EXOC3L1: variants seen among roughly 807,000 people sequenced by gnomAD.
EXOC3L1 encodes the protein exocyst complex component 3 like 1.
EXOC3L1 carries 79 observed loss-of-function variants against 83.6 expected under a neutral mutation model. That is an observed-to-expected ratio of 0.95 (90% CI 0.79 to 1.14). EXOC3L1 has a LOEUF of 1.14. Ranked by LOEUF, EXOC3L1 falls within the 50% of genes most tolerant of loss-of-function variation. The pLI is 0.00. For missense variants in EXOC3L1, 945 were observed against 972.0 expected, an observed-to-expected ratio of 0.97 and a Z score of 0.37; for synonymous variants, 433 against 451.2, an observed-to-expected ratio of 0.96 and a Z score of 0.51.
rs1204841715 is a variant in EXOC3L1 at position 67,184,598 on chromosome 16, G to A, written c.2037C>T (p.Asp679=). The A allele has an allele frequency of 5.1e-6, 8 of 1,583,200 alleles. No homozygotes were observed. Among genetic ancestry groups the A allele is most frequent in the South Asian group, 1.1e-5 (1 of 89,004 alleles). Residue 679 remains aspartate, a synonymous_variant, in exon 14 of 14, where the codon GAC becomes GAT. Transcript: ENST00000314586. ...LRQQFPDVSE[D]HVSALLGLRG... is the part of the protein sequence containing the mutation. ...GCAGGCCCAAGAGGGCGGAGACGTG[G>A]TCCTCGCTGCAGGGGCACCAAGGAG...
At chr16:67,184,649 C>T (rs753411216) in intron 13 of EXOC3L1, 37 bp downstream of exon 13, 9 of 1,580,318 alleles carry the variant, frequency 5.7e-6, no homozygotes, top group East Asian at 2.3e-5. Context: ...CCTCCCCGCC[C>T]TCCGGCTTCT....
Position 67,184,969 on chromosome 16 carries a change from T to C in EXOC3L1, c.1838A>G (p.Glu613Gly). Reference sequence around the variant, plus strand: ...CAGGCGCTCGGCCGCCTGGGTCCTCTCGTCGGCTCCGCGGCACACCAGGCG... The same window carrying C: ...CAGGCGCTCGGCCGCCTGGGTCCTCCCGTCGGCTCCGCGGCACACCAGGCG... ...QGRLVCRGAD[E>G]RTQAAERLRH... Residue 613 changes from glutamate to glycine, a missense_variant, in exon 12 of 14, where the codon GAG (glutamate) becomes GGG (glycine). Glu to Gly is a moderately conservative substitution (Grantham distance 98). Transcript: ENST00000314586. The C allele has an allele frequency of 6.2e-7, 1 of 1,610,310 alleles. No individual in the cohort carries two copies.
Position 67,186,274 on chromosome 16 carries a change from AG to A in EXOC3L1, c.1458del (p.Tyr487ThrfsTer112), listed in dbSNP as rs1341308799. ...RGKSMAPHYV[P>X]YLLAALNHKS... is the part of the protein sequence containing the mutation. Reference sequence around the variant, plus strand: ...TTGTGGTTGAGGGCGGCCAGTAGGTAGGGCACGTAATGAGGGGCCATTGATT... The same window carrying A: ...TTGTGGTTGAGGGCGGCCAGTAGGTAGGCACGTAATGAGGGGCCATTGATT... On this transcript the variant is annotated frameshift_variant, in exon 9 of 14. Transcript: ENST00000314586. LOFTEE classifies it high-confidence loss of function. 2 of 1,578,808 alleles carry A rather than the reference AG, an allele frequency of 1.3e-6. No homozygotes were observed. Among genetic ancestry groups the A allele is most frequent in the Admixed American group, 1.8e-5 (1 of 55,118 alleles).
In EXOC3L1 at chr16:67,187,433, C is replaced by A. The variant is rs749191956; in HGVS notation, c.832G>T (p.Ala278Ser). Residue 278 changes from alanine (A) to serine (S), a missense_variant, in exon 5 of 14, where the codon GCT becomes TCT. Ala to Ser is a moderately conservative substitution (Grantham distance 99, BLOSUM62 1). Transcript: ENST00000314586. The part of the protein sequence containing the change: ...APGALPGWLE[A>S]LRVALPVELA... ...TCGACTGGCAGGGCCACTCGCAGAG[C>A]CTCCAGCCACCCTGGTAGGGCCCCT... is the stretch of plus-strand genomic sequence containing the variant. 4.5e-5 allele frequency: 73 copies of A among 1,610,476 alleles called. No individual in the cohort carries two copies. The highest frequency in any genetic ancestry group is 6.1e-5 in the Non-Finnish European group (72 of 1,179,788).
At chr16:67,189,758 C>CT in intron 1 of EXOC3L1, 75 bp from the exon 2 acceptor site, 1 of 1,442,722 alleles carries the variant, frequency 6.9e-7, no homozygotes, top group Non-Finnish European at 9.6e-7. Flanking sequence ...CTGCCTCTGT[C>CT]TAAGCCCTTC....
chr16:67,186,267 A>C lies in EXOC3L1; in HGVS notation c.1466T>G (p.Leu489Arg), dbSNP rs775094173. ...SMAPHYVPYL[L>R]AALNHKSALS... ...TGCTGACTTGTGGTTGAGGGCGGCC[A>C]GTAGGTAGGGCACGTAATGAGGGGC... Residue 489 changes from leucine (L) to arginine (R), a missense_variant, in exon 9 of 14, where the codon CTG (leucine) becomes CGG (arginine). Leu to Arg is a moderately radical substitution (Grantham distance 102, BLOSUM62 -2). Coordinates refer to ENST00000314586, the MANE Select transcript of EXOC3L1 (RefSeq NM_178516.4). The C allele has an allele frequency of 1.9e-6, 3 of 1,578,164 alleles. No individual in the cohort carries two copies. The South Asian group carries it at 3.5e-5, about 18-fold the overall frequency.
chr16:67,184,483 GGACGCGGCGGCTCGCGCGGGGC>G lies in EXOC3L1; in HGVS notation c.2130_2151del (p.Pro711SerfsTer4). On this transcript the variant is annotated frameshift_variant, in exon 14 of 14. Coordinates refer to ENST00000314586, the MANE Select transcript of EXOC3L1 (RefSeq NM_178516.4). LOFTEE classifies it low-confidence loss of function (END_TRUNC). ...GCGGGCGCGGGCACTAGGCTGAAGA[GGACGCGGCGGCTCGCGCGGGGC>G]GACGGCGGCAGCGCAGCCTGCAGGG... is the stretch of plus-strand genomic sequence containing the variant. 2 of 1,523,282 alleles carry G rather than the reference GGACGCGGCGGCTCGCGCGGGGC, an allele frequency of 1.3e-6. No individual in the cohort carries two copies. Among genetic ancestry groups the G allele is most frequent in the Non-Finnish European group, 1.8e-6 (2 of 1,142,398 alleles). 94.4% of individuals were successfully genotyped at this position (1,523,282 alleles called of 1,614,324 possible).
Position 67,188,836 on chromosome 16 carries a change from A to G in EXOC3L1, c.312T>C (p.Arg104=), listed in dbSNP as rs772921723. 1.2e-6 allele frequency: 2 copies of G among 1,613,260 alleles called. No homozygotes were observed. The highest frequency in any genetic ancestry group is 3.3e-5 in the Admixed American group (2 of 60,030). ...QGTREALSQA[R]GLLQGMSQAL... is the part of the protein sequence containing the mutation. ...CCTGGGACATGCCCTGGAGCAACCC[A>G]CGGGCCTGGCTCAGGGCCTCCCGGG... The change falls in exon 4 of 14, where the codon CGT becomes CGC. Residue 104 remains arginine, a synonymous_variant. Coordinates refer to ENST00000314586, the MANE Select transcript of EXOC3L1 (RefSeq NM_178516.4).
Position 67,188,927 on chromosome 16 carries a change from G to T in EXOC3L1, c.221C>A (p.Ser74Ter), listed in dbSNP as rs2032805813. Residue 74 changes from serine to a stop codon, truncating the protein, a stop_gained, in exon 4 of 14, where the codon TCA (serine) becomes TAA (stop). Transcript: ENST00000314586. LOFTEE classifies it high-confidence loss of function. ...ACCAGTCTGCACGCCTTCCAGGTAT[G>T]ACTGCATCACTGACTGTGGAAAGAT... The part of the protein sequence containing the change: ...LESRLKSVMQ[S>*]YLEGVQTGVW... The T allele has an allele frequency of 4.3e-6, 7 of 1,612,962 alleles. No individual in the cohort carries two copies. The highest frequency in any genetic ancestry group is 5.9e-6 in the Non-Finnish European group (7 of 1,179,916).
Position 67,188,885 on chromosome 16 carries a change from T to A in EXOC3L1, c.263A>T (p.Gln88Leu). The A allele has an allele frequency of 6.2e-7, 1 of 1,613,150 alleles. No individual in the cohort carries two copies. Among genetic ancestry groups the A allele is most frequent in the Non-Finnish European group, 8.5e-7 (1 of 1,180,004 alleles). Residue 88 changes from glutamine (Q) to leucine (L), a missense_variant, in exon 4 of 14, where the codon CAG (glutamine) becomes CTG (leucine). Gln to Leu is a moderately radical substitution (Grantham distance 113, BLOSUM62 -2). Coordinates refer to ENST00000314586, the MANE Select transcript of EXOC3L1 (RefSeq NM_178516.4). ...GVQTGVWQLA[Q>L]AIEVVQGTRE... Reference sequence around the variant, plus strand: ...GGTTCCCTGCACCACCTCAATGGCCTGGGCCAGCTGCCACACACCAGTCTG... The same window carrying A: ...GGTTCCCTGCACCACCTCAATGGCCAGGGCCAGCTGCCACACACCAGTCTG...
At chr16:67,185,098 C>T in intron 11 of EXOC3L1, 38 bp downstream of exon 11, 1 of 1,612,602 alleles carries the variant, frequency 6.2e-7, no homozygotes, top group Non-Finnish European at 8.5e-7. Context: ...CGCCTCTCAC[C>T]CGCGCCGCCC....
In EXOC3L1 at chr16:67,184,472, T is replaced by C; in HGVS notation, c.2163A>G (p.Leu721=). 1 of 1,526,598 alleles carries C rather than the reference T, an allele frequency of 6.6e-7. No homozygotes were observed. The highest frequency in any genetic ancestry group is 8.7e-7 in the Non-Finnish European group (1 of 1,143,220). 94.6% of individuals were successfully genotyped at this position (1,526,598 alleles called of 1,614,324 possible). The change falls in exon 14 of 14, where the codon CTA becomes CTG. Residue 721 remains leucine (L), a synonymous_variant. Coordinates refer to ENST00000314586, the MANE Select transcript of EXOC3L1 (RefSeq NM_178516.4). ...PRASRRVLFS[L]VPAPALAPAS... ...CCGGCGCGAGCGCGGGCGCGGGCAC[T>C]AGGCTGAAGAGGACGCGGCGGCTCG...
Position 67,187,355 on chromosome 16 carries a change from C to T in EXOC3L1, c.910G>A (p.Val304Met), listed in dbSNP as rs1331740484. 1.9e-5 allele frequency: 30 copies of T among 1,612,786 alleles called. No individual in the cohort carries two copies. The highest frequency in any genetic ancestry group is 3.3e-5 in the Admixed American group (2 of 60,002). ...VAPCCPPQYN[V>M]VQLWAHTLHS... ...AGCGTGTGGGCCCATAGCTGGACCA[C>T]GTTGTACTGTGGCGGGCAGCAAGGC... The change falls in exon 5 of 14, where the codon GTG becomes ATG. Residue 304 changes from valine to methionine, a missense_variant. Transcript: ENST00000314586.
At chr16:67,188,212 C>CCAGCCTGGGTGA (rs780407864) in intron 4 of EXOC3L1, among the ~76,000 whole-genome samples, 123 of 152,304 alleles carry the variant, frequency 8.1e-4, no homozygotes, top group Non-Finnish European at 1.4e-3. Context: ...CCACTGCACT[C>CCAGCCTGGGTGA]CAGCCTGGGT....
rs1218383044 is a variant in EXOC3L1 at position 67,187,670 on chromosome 16, C to A, written c.595G>T (p.Gly199Cys). Residue 199 changes from glycine (G) to cysteine (C), a missense_variant, in exon 5 of 14, where the codon GGC becomes TGC. Coordinates refer to ENST00000314586, the MANE Select transcript of EXOC3L1 (RefSeq NM_178516.4). ...QGLDLLFEAL[G>C]QAVEAAAGAA... is the part of the protein sequence containing the mutation. ...CCTGCAGCTGCTTCCACAGCCTGGC[C>A]CAGTGCCTCGAACAGAAGGTCCAGC... 6.2e-7 allele frequency: 1 copy of A among 1,612,552 alleles called. No individual in the cohort carries two copies. Among genetic ancestry groups the A allele is most frequent in the Non-Finnish European group, 8.5e-7 (1 of 1,179,848 alleles).
Position 67,186,362 on chromosome 16 carries a change from G to A in EXOC3L1, c.1386-15C>T, listed in dbSNP as rs1286521281. 1.7e-5 allele frequency: 26 copies of A among 1,544,768 alleles called. No individual in the cohort carries two copies. Among genetic ancestry groups the A allele is most frequent in the Non-Finnish European group, 2.1e-5 (24 of 1,139,082 alleles). ...CATCACTGAAGCTGCAATGGGCAGAGGTGGCTCCTGGACTTGCTGCTATGC... is the reference window on the plus strand; with the variant it reads ...CATCACTGAAGCTGCAATGGGCAGAAGTGGCTCCTGGACTTGCTGCTATGC... On this transcript the variant is annotated splice_polypyrimidine_tract_variant and intron_variant, in intron 8 of 13. Transcript: ENST00000314586.
rs1216640717 is a variant in EXOC3L1, at chr16:67,188,713, A to C, written c.427+8T>G. The C allele has an allele frequency of 1.9e-6, 3 of 1,606,922 alleles. No homozygotes were observed. Among genetic ancestry groups the C allele is most frequent in the Non-Finnish European group, 8.5e-7 (1 of 1,176,548 alleles). On this transcript the variant is annotated splice_region_variant and intron_variant, in intron 4 of 13. Transcript: ENST00000314586. ...GGAGGCTGAGGCCCAGGGTCCCTGC[A>C]TGCTCACCTGCCCGCAGCCGAGGCA...
Position 67,187,056 on chromosome 16 carries a change from C to T in EXOC3L1, c.1123G>A (p.Glu375Lys). The part of the protein sequence containing the change: ...LEPLLTLENI[E>K]QLEATFVANI... ...GCCACAAATGTTGCCTCCAGCTGCT[C>T]AATGTTCTCCAAGGTCAGAAGGGGC... is the stretch of plus-strand genomic sequence containing the variant. The change falls in exon 6 of 14, where the codon GAG becomes AAG. Residue 375 changes from glutamate (E) to lysine (K), a missense_variant. Glu to Lys is a moderately conservative substitution (Grantham distance 56, BLOSUM62 1). Transcript: ENST00000314586. 1 of 1,613,718 alleles carries T rather than the reference C, an allele frequency of 6.2e-7. No individual in the cohort carries two copies. The highest frequency in any genetic ancestry group is 1.1e-5 in the South Asian group (1 of 91,084).
intron 4 of EXOC3L1, 58 bp from the exon 5 acceptor site, chr16:67,187,895 G>A: frequency 1.6e-5 from 24 of 1,513,922 alleles, no homozygotes; most frequent in Non-Finnish European, 2.1e-5. Context: ...GCCTCAATGT[G>A]TACAGCAGGG....
Sources: gnomAD v4.1 joint callset for allele counts (sites outside exome capture counted in the v4.1 genomes callset) on GRCh38, gnomAD v4.1.1 for gene constraint, MANE v1.5 for transcripts, NCBI Gene and HGNC (gene_info 2026-07-23, HGNC 2026-07-21) for gene names.